The following GPD2 variants were observed in gnomAD, a reference collection of about 807,000 sequenced individuals.
GPD2 encodes the protein glycerol-3-phosphate dehydrogenase, mitochondrial.
In GPD2, 54 loss-of-function variants were observed where a neutral mutation model predicts 82.4. The ratio of observed to expected loss-of-function variants is 0.66; its 90% confidence interval spans 0.53 to 0.82. The LOEUF (loss-of-function observed/expected upper bound fraction) is 0.82, where lower values mean the gene tolerates loss of function less well. Ranked by LOEUF, GPD2 falls within the 40% of genes least tolerant of loss-of-function variation. The pLI is 0.00. For synonymous variants in GPD2, 288 were observed against 306.1 expected, an observed-to-expected ratio of 0.94 and a Z score of 0.62; for missense variants, 748 against 896.2, an observed-to-expected ratio of 0.83 and a Z score of 2.11.
chr2:156,401,175 T>G, the GPD2 span, among the ~76,000 whole-genome samples: 1 of 152,172 alleles, frequency 6.6e-6, no homozygotes, highest in Non-Finnish European at 1.5e-5. Context: ...AACCCGGGCC[T>G]CCCGCGTGGC....
In GPD2 at chr2:156,510,377, G is replaced by A. The variant is rs537411931; in HGVS notation, c.275-419G>A. Reference sequence around the variant, plus strand: ...ATTTATTCATGATGCATGCATTAGAGTAGATCAGAGATGAGGGGCTGCGAC... The same window carrying A: ...ATTTATTCATGATGCATGCATTAGAATAGATCAGAGATGAGGGGCTGCGAC... On this transcript the variant is annotated intron_variant, in intron 3 of 16. Transcript: ENST00000438166. 1.5e-4 allele frequency among the ~76,000 whole-genome samples: 23 copies of A among 152,288 alleles called. No homozygotes were observed. In the South Asian group the frequency reaches 4.8e-3, roughly 32 times the overall value.
chr2:156,401,200 C>T, the GPD2 span, among the ~76,000 whole-genome samples: 3 of 152,170 alleles, frequency 2.0e-5, 1 homozygote, highest in South Asian at 4.1e-4. Context: ...GAGAATTCTA[C>T]CACTGAACCA....
At chr2:156,516,246 T>C (rs879441953) in intron 6 of GPD2, among the ~76,000 whole-genome samples, 8 of 152,238 alleles carry the variant, frequency 5.3e-5, no homozygotes, top group Non-Finnish European at 7.3e-5. Flanking sequence ...TGAAGTGATT[T>C]CAAGTTGCAT....
intron 1 of GPD2, among the ~76,000 whole-genome samples, chr2:156,440,247 T>C (rs1290432115): frequency 1.3e-5 from 2 of 152,220 alleles, no homozygotes; most frequent in Non-Finnish European, 2.9e-5. Flanking sequence ...GAGGAAGATA[T>C]GATCAAACTC....
At chr2:156,457,979 G>C (rs538345346) in intron 1 of GPD2, among the ~76,000 whole-genome samples, 1 of 152,330 alleles carries the variant, frequency 6.6e-6, no homozygotes, top group South Asian at 2.1e-4. Context: ...AAGTGGCTAA[G>C]TTGGAATTCA....
At chr2:156,574,611 G>A (rs1251186216) in intron 13 of GPD2, among the ~76,000 whole-genome samples, 1 of 150,862 alleles carries the variant, frequency 6.6e-6, no homozygotes, top group Middle Eastern at 3.2e-3. Context: ...TTTCAAAATT[G>A]ATTCCAATGA....
intron 6 of GPD2, among the ~76,000 whole-genome samples, chr2:156,534,810 T>TAA (rs758423390): frequency 2.7e-3 from 383 of 143,368 alleles, no homozygotes; most frequent in African/African-American, 9.3e-3. Context: ...TGCTTTTTCT[T>TAA]AAAAAAAAAA....
intron 6 of GPD2, among the ~76,000 whole-genome samples, chr2:156,543,446 T>G (rs1037659091): frequency 7.2e-5 from 11 of 152,242 alleles, no homozygotes; most frequent in African/African-American, 2.4e-4. Context: ...TCTGTAACTG[T>G]GTCTCTTTGG....
intron 16 of GPD2, among the ~76,000 whole-genome samples, chr2:156,580,396 G>A (rs1037078618): frequency 6.6e-6 from 1 of 152,084 alleles, no homozygotes; most frequent in African/African-American, 2.4e-5. Flanking sequence ...AATCATGCAG[G>A]AAATAAATTT....
the GPD2 span, among the ~76,000 whole-genome samples, chr2:156,416,693 C>G: frequency 6.6e-6 from 1 of 152,024 alleles, no homozygotes; most frequent in Non-Finnish European, 1.5e-5. Flanking sequence ...TTATGTGTCA[C>G]TCTTTCAGAC....
intron 1 of GPD2, among the ~76,000 whole-genome samples, chr2:156,440,806 A>G (rs1053299477): frequency 4.6e-5 from 7 of 152,236 alleles, no homozygotes; most frequent in African/African-American, 1.7e-4. Flanking sequence ...ATATAGTAAG[A>G]AAGATACTTG....
At chr2:156,458,397 T>G (rs1210837655) in intron 1 of GPD2, among the ~76,000 whole-genome samples, 2 of 152,202 alleles carry the variant, frequency 1.3e-5, no homozygotes, top group African/African-American at 4.8e-5. Flanking sequence ...AGTGTTGCAT[T>G]AAAACTGCAA....
In GPD2 at chr2:156,583,259, G is replaced by A; in HGVS notation, c.*341G>A. Reference sequence around the variant, plus strand: ...TGAGTTCTAAAAACATAATATTTTGGCAAAAATTGAAAAAAGCTGGAGACA... The same window carrying A: ...TGAGTTCTAAAAACATAATATTTTGACAAAAATTGAAAAAAGCTGGAGACA... On this transcript the variant is annotated 3_prime_UTR_variant, in exon 17 of 17. Coordinates refer to ENST00000438166, the MANE Select transcript of GPD2 (RefSeq NM_000408.5). The A allele has an allele frequency of 3.2e-6, 1 of 307,820 alleles. No individual in the cohort carries two copies. The highest frequency in any genetic ancestry group is 6.4e-6 in the Non-Finnish European group (1 of 157,330). The allele number at this position is 307,820 out of a possible 1,614,324, so 19.1% of individuals were successfully genotyped here.
At chr2:156,457,947 AGCTCATAGTCACACAGCTAGTAAGTG>A (rs1682842326) in intron 1 of GPD2, among the ~76,000 whole-genome samples, 1 of 152,240 alleles carries the variant, frequency 6.6e-6, no homozygotes, top group South Asian at 2.1e-4. Flanking sequence ...AGGAAACTAA[AGCTCATAGTCACACAGCTAGTAAGTG>A]GCTAAGTTGG....
At chr2:156,532,652 A>G (rs1685911742) in intron 6 of GPD2, among the ~76,000 whole-genome samples, 1 of 152,204 alleles carries the variant, frequency 6.6e-6, no homozygotes, top group African/African-American at 2.4e-5. Context: ...AAATTATTCT[A>G]TTGGTGGCAA....
intron 1 of GPD2, among the ~76,000 whole-genome samples, chr2:156,442,349 T>C (rs1682204577): frequency 6.6e-6 from 1 of 152,194 alleles, no homozygotes; most frequent in Admixed American, 6.5e-5. Flanking sequence ...TATATACTTA[T>C]GTGGAACAAA....
the GPD2 span, among the ~76,000 whole-genome samples, chr2:156,401,231 G>T: frequency 6.6e-6 from 1 of 152,122 alleles, no homozygotes; most frequent in Admixed American, 6.5e-5. Context: ...TAGCAAATGT[G>T]CTTTTCTATT....
chr2:156,401,564 A>C, the GPD2 span, among the ~76,000 whole-genome samples: 1 of 152,164 alleles, frequency 6.6e-6, no homozygotes, highest in African/African-American at 2.4e-5. Context: ...TATTTTACCT[A>C]TTCAGACAAA....
At chr2:156,448,543 G>A (rs1276623961) in intron 1 of GPD2, among the ~76,000 whole-genome samples, 7 of 152,226 alleles carry the variant, frequency 4.6e-5, no homozygotes, top group Non-Finnish European at 4.4e-5. Context: ...GACATGAGAA[G>A]ATAAGAGTTG....
Sources: allele counts gnomAD v4.1 joint callset (sites outside exome capture counted in the v4.1 genomes callset), GRCh38; gene constraint gnomAD v4.1.1; transcripts MANE v1.5; gene names NCBI Gene and HGNC (gene_info 2026-07-23, HGNC 2026-07-21).